The following GMPS variants were observed in gnomAD, a reference collection of about 807,000 sequenced individuals.
The protein encoded by GMPS is GMP synthase [glutamine-hydrolyzing].
In GMPS, 15 loss-of-function variants were observed where a neutral mutation model predicts 77.9. The ratio of observed to expected loss-of-function variants is 0.19; its 90% CI spans 0.13 to 0.30. The LOEUF (loss-of-function observed/expected upper bound fraction) is 0.30. Ranked by LOEUF, GMPS falls within the 10% of genes least tolerant of loss-of-function variation. The pLI is 1.00. For synonymous variants in GMPS, 224 were observed against 275.9 expected, an observed-to-expected ratio of 0.81 and a Z score of 1.86; for missense variants, 590 against 838.8, an observed-to-expected ratio of 0.70 and a Z score of 3.66.
chr3:155,897,782 ATATAAT>A (rs1156732672), intron 2 of GMPS, 139 bp from the exon 3 acceptor site: 1 of 630,420 alleles, frequency 1.6e-6, no homozygotes, highest in Non-Finnish European at 2.9e-6. Context: ...ATTCGCTGTG[ATATAAT>A]TAGAATTTGC....
rs765479780 is a variant in GMPS at position 155,919,340 on chromosome 3, T to TA, written c.1318+7dup. Reference sequence around the variant, plus strand: ...TAGTTTCCAGGCATCCATTTCCAGGTAAAAATTAGAACTGAATTTTGTTTG... The same window carrying TA: ...TAGTTTCCAGGCATCCATTTCCAGGTAAAAAATTAGAACTGAATTTTGTTTG... On this transcript the variant is annotated splice_region_variant and intron_variant, in intron 10 of 15. Transcript: ENST00000496455. 2 of 1,492,392 alleles carry TA rather than the reference T, an allele frequency of 1.3e-6. No homozygotes were observed. The highest frequency in any genetic ancestry group is 2.4e-5 in the South Asian group (2 of 84,524). 92.4% of individuals were successfully genotyped at this position (1,492,392 alleles called of 1,614,324 possible). A position where few individuals can be genotyped will look rare whatever the true frequency, so the allele number is the denominator to read the frequency against.
intron 3 of GMPS, among the ~76,000 whole-genome samples, chr3:155,903,005 G>A (rs1055302792): frequency 1.3e-5 from 2 of 152,168 alleles, no homozygotes; most frequent in African/African-American, 4.8e-5. Flanking sequence ...TAATGGTTTT[G>A]AAGAATATGC....
intron 10 of GMPS, among the ~76,000 whole-genome samples, chr3:155,921,826 AT>A (rs1215588236): frequency 6.6e-6 from 1 of 152,166 alleles, no homozygotes; most frequent in African/African-American, 2.4e-5. Context: ...TAGGGAGAGA[AT>A]TAAACATACT....
rs567203038 is a variant in GMPS at position 155,933,537 on chromosome 3, G to A, written c.1677-1379G>A. On this transcript the variant is annotated intron_variant, in intron 13 of 15. Transcript: ENST00000496455. ...AAAAATTATAACTTACTGTCTATAC[G>A]TGGGACAAAAACCTTGCTTCTGTTG... 6.6e-5 allele frequency among the ~76,000 whole-genome samples: 10 copies of A among 152,286 alleles called. No homozygotes were observed. The East Asian group carries it at 1.9e-3, about 29-fold the overall frequency.
chr3:155,885,022 C>T (rs77517297), intron 1 of GMPS, among the ~76,000 whole-genome samples: 2 of 152,252 alleles, frequency 1.3e-5, no homozygotes, highest in East Asian at 3.9e-4. Context: ...GATGAAGCTG[C>T]AGTCAGAGGT....
rs1466696917 is a variant in GMPS at position 155,941,004 on chromosome 3, C to G, written c.*3312C>G. ...CTTTGACACTAATGAAGTCACCCAT[C>G]ATCAATTACATACAGCTAATTGTTG... is the stretch of plus-strand genomic sequence containing the variant. On this transcript the variant is annotated 3_prime_UTR_variant, in exon 16 of 16. Transcript: ENST00000496455. 5.0e-6 allele frequency: 1 copy of G among 201,112 alleles called. No homozygotes were observed. Among genetic ancestry groups the G allele is most frequent in the East Asian group, 7.7e-5 (1 of 13,006 alleles). 12.5% of individuals were successfully genotyped at this position (201,112 alleles called of 1,614,324 possible).
At chr3:155,934,783 CAGG>C (rs950912166) in intron 13 of GMPS, 130 bp from the exon 14 acceptor site, 6 of 631,184 alleles carry the variant, frequency 9.5e-6, no homozygotes, top group Non-Finnish European at 1.4e-5. Flanking sequence ...TTGAAGTGGG[CAGG>C]AGAAGGGCCT....
chr3:155,902,382 C>A (rs2108088316), intron 3 of GMPS, among the ~76,000 whole-genome samples: 1 of 152,254 alleles, frequency 6.6e-6, no homozygotes, highest in Admixed American at 6.5e-5. Context: ...GGCCTACCAC[C>A]TGTTTTTGCA....
At chr3:155,874,085 C>T (rs1753971296) in intron 1 of GMPS, among the ~76,000 whole-genome samples, 1 of 152,168 alleles carries the variant, frequency 6.6e-6, no homozygotes, top group South Asian at 2.1e-4. Context: ...CATTCTTATG[C>T]CTTTGCATCC....
chr3:155,873,199 A>G (rs992288806), intron 1 of GMPS, among the ~76,000 whole-genome samples: 1 of 152,182 alleles, frequency 6.6e-6, no homozygotes, highest in Non-Finnish European at 1.5e-5. Context: ...GCGTTTTTGC[A>G]TGATAGAAAC....
chr3:155,915,907 A>G, intron 8 of GMPS, 112 bp from the exon 9 acceptor site: 1 of 679,374 alleles, frequency 1.5e-6, no homozygotes, highest in Non-Finnish European at 2.5e-6. Flanking sequence ...GGTGGATTTT[A>G]TTTTCTGATC....
intron 1 of GMPS, among the ~76,000 whole-genome samples, chr3:155,893,286 C>T (rs992110770): frequency 6.6e-6 from 1 of 152,120 alleles, no homozygotes; most frequent in African/African-American, 2.4e-5. Flanking sequence ...CACTATATTA[C>T]ATAGTCAATA....
At chr3:155,904,285 T>C (rs960230612) in intron 4 of GMPS, among the ~76,000 whole-genome samples, 1 of 151,288 alleles carries the variant, frequency 6.6e-6, no homozygotes, top group African/African-American at 2.4e-5. Context: ...GATTATTATT[T>C]TTCTTTTTCT....
intron 4 of GMPS, 142 bp downstream of exon 4, chr3:155,904,102 G>A (rs1297562252): frequency 2.0e-6 from 1 of 495,180 alleles, no homozygotes; most frequent in African/African-American, 2.0e-5. Flanking sequence ...TGTCATATTT[G>A]CCTTCCAGTT....
chr3:155,884,140 C>T (rs1256775285), intron 1 of GMPS, among the ~76,000 whole-genome samples: 1 of 151,316 alleles, frequency 6.6e-6, no homozygotes, highest in East Asian at 1.9e-4. Flanking sequence ...AATCCCAGCA[C>T]TTTGGGAGGC....
At chr3:155,916,720 C>A (rs1327667030) in intron 9 of GMPS, among the ~76,000 whole-genome samples, 1 of 152,072 alleles carries the variant, frequency 6.6e-6, no homozygotes, top group Non-Finnish European at 1.5e-5. Context: ...AGTAATGCCG[C>A]CATGAATACT....
Position 155,927,204 on chromosome 3 carries a change from C to T in GMPS, c.1560+1838C>T, listed in dbSNP as rs113813608. Reference sequence around the variant, plus strand: ...ACTTGGAGTTACTGATACTTTCTTTCAGTGGTTTATGGATTATCTCATTCA... The same window carrying T: ...ACTTGGAGTTACTGATACTTTCTTTTAGTGGTTTATGGATTATCTCATTCA... On this transcript the variant is annotated intron_variant, in intron 12 of 15. Transcript: ENST00000496455. Among the ~76,000 whole-genome samples, 78 of 152,154 alleles carry T rather than the reference C, an allele frequency of 5.1e-4. 4 individuals are homozygous for T. Among genetic ancestry groups the T allele is most frequent in the African/African-American group, 1.8e-3 (76 of 41,506 alleles).
At chr3:155,906,056 G>GT in intron 4 of GMPS, 104 bp from the exon 5 acceptor site, 1 of 524,618 alleles carries the variant, frequency 1.9e-6, no homozygotes. Flanking sequence ...TTTTTTTTCT[G>GT]TTTTTCTAAT....
intron 3 of GMPS, 68 bp downstream of exon 3, chr3:155,898,109 G>C (rs1754646275): frequency 3.7e-6 from 3 of 814,928 alleles, no homozygotes; most frequent in Non-Finnish European, 6.6e-6. Context: ...TACTGTATTA[G>C]TATTTTCTCT....
Sources: gnomAD v4.1 joint callset for allele counts (sites outside exome capture counted in the v4.1 genomes callset) on GRCh38, gnomAD v4.1.1 for gene constraint, MANE v1.5 for transcripts, NCBI Gene and HGNC (gene_info 2026-07-23, HGNC 2026-07-21) for gene names.